FSIP1: variants seen among roughly 807,000 people sequenced by gnomAD.
FSIP1 encodes the protein fibrous sheath interacting protein 1, also known as fibrous sheath-interacting protein 1.
In FSIP1, 65 loss-of-function variants were observed where a neutral mutation model predicts 60.9. The ratio of observed to expected loss-of-function variants is 1.07; its 90% confidence interval spans 0.87 to 1.31. The LOEUF is 1.31. FSIP1 is among the 40% of genes most tolerant of loss of function. The pLI is 0.00. For missense variants in FSIP1, 675 were observed against 665.5 expected (o/e 1.01, Z -0.16); for synonymous variants, 209 against 221.2 (o/e 0.94, Z 0.49).
At chr15:39,670,076 C>T (rs927036675) in intron 10 of FSIP1, among the ~76,000 whole-genome samples, 1 of 152,180 alleles carries the variant, frequency 6.6e-6, no homozygotes. Flanking sequence ...TGTTTAAAGA[C>T]TGTAATTTTA....
chr15:39,782,530 C>T (rs1898308983), intron 1 of FSIP1, 98 bp downstream of exon 1: 1 of 151,906 alleles, frequency 6.6e-6, no homozygotes, highest in South Asian at 2.1e-4. Context: ...CCTGACAGTC[C>T]ATCTACATGC....
At chr15:39,679,903 T>G (rs2140484845) in intron 10 of FSIP1, among the ~76,000 whole-genome samples, 1 of 152,316 alleles carries the variant, frequency 6.6e-6, no homozygotes. Flanking sequence ...ATTTATAGAT[T>G]ATAAACCTTC....
intron 11 of FSIP1, among the ~76,000 whole-genome samples, chr15:39,607,130 C>T (rs1890855368): frequency 6.6e-6 from 1 of 152,186 alleles, no homozygotes; most frequent in South Asian, 2.1e-4. Context: ...GATGAAATGG[C>T]ATGCTCAGCT....
intron 10 of FSIP1, among the ~76,000 whole-genome samples, chr15:39,669,288 T>A (rs1043112890): frequency 2.6e-5 from 4 of 152,216 alleles, no homozygotes; most frequent in African/African-American, 9.6e-5. Flanking sequence ...TTCACAAGGC[T>A]TGCCAGGCCT....
chr15:39,696,622 T>G (rs1248019931), intron 10 of FSIP1, among the ~76,000 whole-genome samples: 1 of 152,100 alleles, frequency 6.6e-6, no homozygotes, highest in Non-Finnish European at 1.5e-5. Flanking sequence ...AGACAATAAT[T>G]AAACAAATGC....
chr15:39,770,590 C>CAAGT lies in FSIP1; in HGVS notation c.143_146dup (p.Asn50LeufsTer5). 6.5e-7 allele frequency: 1 copy of CAAGT among 1,534,752 alleles called. No homozygotes were observed. The highest frequency in any genetic ancestry group is 1.3e-5 in the South Asian group (1 of 77,506). On this transcript the variant is annotated frameshift_variant, in exon 3 of 12. Transcript: ENST00000350221. LOFTEE classifies it high-confidence loss of function. ...CGGAGTGGTCCTCTTTACCAGAGTT[C>CAAGT]AAGTTGCTTGCAGTATCGACCTAAA... is the stretch of plus-strand genomic sequence containing the variant.
intron 1 of FSIP1, among the ~76,000 whole-genome samples, chr15:39,776,991 T>A (rs1341336166): frequency 6.6e-6 from 1 of 152,138 alleles, no homozygotes; most frequent in East Asian, 1.9e-4. Context: ...AGTGTCGCGA[T>A]CTTGGCTCCC....
At chr15:39,746,955 C>T (rs4115216) in intron 5 of FSIP1, among the ~76,000 whole-genome samples, 64,817 of 151,850 alleles carry the variant, frequency 0.43, 14,353 homozygotes, top group Admixed American at 0.53. Flanking sequence ...TCACTAGACA[C>T]ATTAGTGATT....
intron 10 of FSIP1, among the ~76,000 whole-genome samples, chr15:39,657,027 T>C (rs1893098767): frequency 6.6e-6 from 1 of 152,222 alleles, no homozygotes; most frequent in Admixed American, 6.5e-5. Context: ...TATAGCCAGC[T>C]AAAACAGCAC....
chr15:39,700,506 A>C lies in FSIP1; in HGVS notation c.1188+12938T>G, dbSNP rs73395231. Among the ~76,000 whole-genome samples, 1,433 of 152,320 alleles carry C rather than the reference A, an allele frequency of 9.4e-3. 21 individuals carry two copies. The highest frequency in any genetic ancestry group is 0.033 in the African/African-American group (1,353 of 41,564). On this transcript the variant is annotated intron_variant, in intron 10 of 11. Transcript: ENST00000350221. The stretch of plus-strand genomic sequence containing the variant: ...TTGTTTTGTCTATGTGACAGACAAA[A>C]AGTAATTGTGCAACATCATTGACCA...
intron 10 of FSIP1, among the ~76,000 whole-genome samples, chr15:39,646,558 G>T (rs1188426939): frequency 7.1e-6 from 1 of 140,752 alleles, no homozygotes; most frequent in African/African-American, 2.7e-5. Flanking sequence ...GGCTGCGTTT[G>T]GTGATGTGTG....
intron 5 of FSIP1, among the ~76,000 whole-genome samples, chr15:39,763,440 G>A (rs546751440): frequency 3.3e-5 from 5 of 152,258 alleles, no homozygotes; most frequent in African/African-American, 1.2e-4. Flanking sequence ...CCAGGAAATA[G>A]GACAAATCGG....
intron 5 of FSIP1, among the ~76,000 whole-genome samples, chr15:39,744,750 C>CTGTCTGTCTG (rs1555397499): frequency 7.1e-6 from 1 of 140,914 alleles, no homozygotes; most frequent in African/African-American, 2.7e-5. Flanking sequence ...GTCTGTCTGT[C>CTGTCTGTCTG]TCTCTCTCTC....
At chr15:39,761,524 T>C (rs1045425482) in intron 5 of FSIP1, among the ~76,000 whole-genome samples, 2 of 152,188 alleles carry the variant, frequency 1.3e-5, no homozygotes, top group African/African-American at 4.8e-5. Context: ...AAAACAATTG[T>C]ACTCATAGAA....
chr15:39,681,908 C>T (rs1894178099), intron 10 of FSIP1, among the ~76,000 whole-genome samples: 1 of 152,182 alleles, frequency 6.6e-6, no homozygotes, highest in Non-Finnish European at 1.5e-5. Context: ...CCAGGACCTA[C>T]TGAGATGCTT....
chr15:39,753,166 A>G (rs1189546707), intron 5 of FSIP1, among the ~76,000 whole-genome samples: 1 of 152,116 alleles, frequency 6.6e-6, no homozygotes, highest in Non-Finnish European at 1.5e-5. Context: ...AGCAAATATG[A>G]AGGCAGCTGA....
chr15:39,749,155 G>A (rs1207756891), intron 5 of FSIP1, among the ~76,000 whole-genome samples: 4 of 149,690 alleles, frequency 2.7e-5, no homozygotes, highest in East Asian at 2.0e-4. Context: ...GATTGAAGTA[G>A]TAATTAAAAA....
rs537795021 is a variant in FSIP1, at chr15:39,647,330, T to C, written c.1189-29085A>G. Among the ~76,000 whole-genome samples the C allele has an allele frequency of 1.9e-4, 29 of 152,328 alleles. No homozygotes were observed. The South Asian group carries it at 5.2e-3, about 27-fold the overall frequency. ...AATTTGCTTGACTATAATAACCATT[T>C]CACAATGTATATCAAAACATCATGT... On this transcript the variant is annotated intron_variant, in intron 10 of 11. Transcript: ENST00000350221.
intron 11 of FSIP1, among the ~76,000 whole-genome samples, chr15:39,605,666 T>A (rs1286093064): frequency 6.6e-6 from 1 of 152,224 alleles, no homozygotes; most frequent in East Asian, 1.9e-4. Flanking sequence ...AAGGGGAGCA[T>A]CTGCTACTCA....
Sources: allele counts gnomAD v4.1 joint callset (sites outside exome capture counted in the v4.1 genomes callset), GRCh38; gene constraint gnomAD v4.1.1; transcripts MANE v1.5; gene names NCBI Gene and HGNC (gene_info 2026-07-23, HGNC 2026-07-21).